The following INO80 variants were observed in gnomAD, a reference collection of about 807,000 sequenced individuals.
The protein encoded by INO80 is INO80 complex ATPase subunit.
A neutral mutation model predicts 203.4 loss-of-function variants in INO80; 20 were observed. The ratio of observed to expected loss-of-function variants is 0.10; its 90% CI spans 0.07 to 0.14. The LOEUF (loss-of-function observed/expected upper bound fraction) is 0.14. Among genes scored for constraint, INO80 ranks in the 10% least tolerant of loss-of-function variants. INO80 has a pLI of 1.00. For missense variants in INO80, 1,419 were observed against 1,914.4 expected (o/e 0.74, Z 4.83); for synonymous variants, 726 against 685.2 (o/e 1.06, Z -0.93).
chr15:41,025,161 T>A (rs1199631848), intron 25 of INO80, among the ~76,000 whole-genome samples: 1 of 152,132 alleles, frequency 6.6e-6, no homozygotes, highest in East Asian at 1.9e-4. Context: ...TCACAGCAAT[T>A]AGAGTTTTCC....
At chr15:41,011,458 A>G (rs999990564) in intron 27 of INO80, 2 of 152,240 alleles carry the variant, frequency 1.3e-5, no homozygotes, top group Non-Finnish European at 2.9e-5. Context: ...GCTCAAAGGT[A>G]GCATGGAGGA....
intron 26 of INO80, among the ~76,000 whole-genome samples, 171 bp from the exon 27 acceptor site, chr15:41,016,386 A>C (rs2044210934): frequency 6.6e-6 from 1 of 152,234 alleles, no homozygotes; most frequent in African/African-American, 2.4e-5. Context: ...TCACGACTCC[A>C]GGAGTGCCCT....
intron 30 of INO80, 115 bp downstream of exon 30, chr15:40,987,701 G>C: frequency 9.8e-7 from 1 of 1,018,312 alleles, no homozygotes; most frequent in Non-Finnish European, 1.4e-6. Context: ...AGAAATTGTA[G>C]TTTCGTCAGG....
rs140394841 is a variant in INO80 at position 41,049,334 on chromosome 15, A to T, written c.2529T>A (p.Phe843Leu). 6.2e-6 allele frequency: 10 copies of T among 1,613,966 alleles called. No individual in the cohort carries two copies. Among genetic ancestry groups the T allele is most frequent in the Non-Finnish European group, 8.5e-6 (10 of 1,179,822 alleles). ...CCCTGATCTGTCCATGACGGTAGATAAACTTTGAAATGTGGTATGGCTTTA... is the reference window on the plus strand; with the variant it reads ...CCCTGATCTGTCCATGACGGTAGATTAACTTTGAAATGTGGTATGGCTTTA... ...ISLKPYHISK[F>L]IYRHGQIRVF... is the part of the protein sequence containing the mutation. Residue 843 changes from phenylalanine (F) to leucine (L), a missense_variant, in exon 21 of 36, where the codon TTT becomes TTA. Phe to Leu is a conservative substitution (Grantham distance 22). Transcript: ENST00000648947.
In INO80 at chr15:40,980,286, G is replaced by C; in HGVS notation, c.4608C>G (p.Ser1536Arg). Residue 1536 changes from serine (S) to arginine (R), a missense_variant, in exon 36 of 36, where the codon AGC (serine) becomes AGG (arginine). Ser to Arg is a moderately radical substitution (Grantham distance 110). Coordinates refer to ENST00000648947, the MANE Select transcript of INO80 (RefSeq NM_017553.3). ...TCCGGACCAGAGAGTCTGGGGCTAG[G>C]CTGCTGGTCATGTGGAGGTTCTTGG... is the stretch of plus-strand genomic sequence containing the variant. ...GNPKNLHMTSSLAPDSLVRKQ... is the reference protein window; with the variant it reads ...GNPKNLHMTSRLAPDSLVRKQ... 6.2e-7 allele frequency: 1 copy of C among 1,613,754 alleles called. No individual in the cohort carries two copies. The highest frequency in any genetic ancestry group is 8.5e-7 in the Non-Finnish European group (1 of 1,180,042).
At chr15:41,101,928 A>C (rs1596328638) in intron 1 of INO80, among the ~76,000 whole-genome samples, 1 of 151,378 alleles carries the variant, frequency 6.6e-6, no homozygotes, top group East Asian at 2.0e-4. Context: ...ATGGTGGCTC[A>C]TGCCTGTAAT....
intron 1 of INO80, among the ~76,000 whole-genome samples, chr15:41,115,274 A>G (rs2046014349): frequency 6.6e-6 from 1 of 152,228 alleles, no homozygotes; most frequent in Non-Finnish European, 1.5e-5. Context: ...AGGTTCTGTC[A>G]TTCCTAAACT....
At chr15:41,092,492 C>T (rs931951972) in intron 4 of INO80, among the ~76,000 whole-genome samples, 2 of 151,696 alleles carry the variant, frequency 1.3e-5, no homozygotes, top group Non-Finnish European at 2.9e-5. Flanking sequence ...TACATACATG[C>T]CAAACAGGAA....
rs2045716820 is a variant in INO80 at position 41,095,926 on chromosome 15, T to A, written c.146A>T (p.Asp49Val). 7 of 1,612,934 alleles carry A rather than the reference T, an allele frequency of 4.3e-6. No homozygotes were observed. The highest frequency in any genetic ancestry group is 1.7e-5 in the Admixed American group (1 of 59,906). Residue 49 changes from aspartate (D) to valine (V), a missense_variant and splice_region_variant, in exon 3 of 36, where the codon GAT becomes GTT. Physicochemically the swap from Asp to Val is radical, Grantham distance 152. Coordinates refer to ENST00000648947, the MANE Select transcript of INO80 (RefSeq NM_017553.3). ...GTCATCCAGTCCATCTTCACTGTCA[T>A]CACTATAAATTGAAGAATGAGTCCA... Reference protein sequence around the residue: ...SAIFNRNISSDDSEDGLDDSN... With the variant: ...SAIFNRNISSVDSEDGLDDSN...
At chr15:41,070,913 C>G (rs1045071077) in intron 12 of INO80, among the ~76,000 whole-genome samples, 16 of 152,220 alleles carry the variant, frequency 1.1e-4, no homozygotes, top group African/African-American at 3.9e-4. Flanking sequence ...GGCTCATGCC[C>G]GTCCCGGCAC....
At chr15:41,000,539 C>A (rs897420474) in intron 28 of INO80, among the ~76,000 whole-genome samples, 8 of 150,690 alleles carry the variant, frequency 5.3e-5, no homozygotes, top group Non-Finnish European at 1.2e-4. Flanking sequence ...CTACAAAAAT[C>A]CAAAAATTAG....
chr15:41,022,309 G>A (rs767481795), intron 25 of INO80, among the ~76,000 whole-genome samples: 7 of 152,306 alleles, frequency 4.6e-5, no homozygotes, highest in African/African-American at 1.7e-4. Flanking sequence ...CTATCATTTC[G>A]TGGAAGTTAG....
At chr15:41,041,479 T>TCCCC (rs1377461284) in intron 24 of INO80, among the ~76,000 whole-genome samples, 5 of 151,822 alleles carry the variant, frequency 3.3e-5, no homozygotes, top group Admixed American at 3.3e-4. Flanking sequence ...TTGCTCCTGT[T>TCCCC]CCCCAGGCTG....
At chr15:41,087,330 A>C (rs1056047314) in intron 6 of INO80, among the ~76,000 whole-genome samples, 3 of 152,206 alleles carry the variant, frequency 2.0e-5, no homozygotes, top group African/African-American at 7.2e-5. Flanking sequence ...ACCATTTTAC[A>C]TAATGAATTT....
intron 27 of INO80, among the ~76,000 whole-genome samples, chr15:41,015,189 T>C (rs1301932833): frequency 6.6e-6 from 1 of 152,198 alleles, no homozygotes; most frequent in Admixed American, 6.5e-5. Flanking sequence ...AAAAGCTGCC[T>C]TGCACAGTCA....
intron 1 of INO80, among the ~76,000 whole-genome samples, chr15:41,105,573 T>C (rs1397900775): frequency 6.6e-6 from 1 of 152,178 alleles, no homozygotes; most frequent in Non-Finnish European, 1.5e-5. Flanking sequence ...CAAGATTAAG[T>C]ACTCCAAGCA....
At chr15:41,114,345 G>A (rs902116080) in intron 1 of INO80, among the ~76,000 whole-genome samples, 1 of 151,690 alleles carries the variant, frequency 6.6e-6, no homozygotes, top group African/African-American at 2.4e-5. Context: ...ATCTCAAATT[G>A]TTTTATAGGA....
At chr15:40,983,613 T>G in intron 34 of INO80, 149 bp downstream of exon 34, 1 of 670,424 alleles carries the variant, frequency 1.5e-6, no homozygotes, top group Non-Finnish European at 2.5e-6. Flanking sequence ...TATTTTGCTT[T>G]CCCTAAACCT....
At chr15:41,059,496 G>A (rs1056949170) in intron 15 of INO80, among the ~76,000 whole-genome samples, 6 of 150,060 alleles carry the variant, frequency 4.0e-5, no homozygotes, top group African/African-American at 1.2e-4. Flanking sequence ...ATGGTGTAGC[G>A]AGCCTATAGT....
Sources: allele counts gnomAD v4.1 joint callset (sites outside exome capture counted in the v4.1 genomes callset), GRCh38; gene constraint gnomAD v4.1.1; transcripts MANE v1.5; gene names NCBI Gene and HGNC (gene_info 2026-07-23, HGNC 2026-07-21).